The following HYI variants were observed in gnomAD, a reference collection of about 807,000 sequenced individuals.
HYI encodes the protein hydroxypyruvate isomerase (putative).
Under a neutral mutation model 39.7 loss-of-function variants are expected in HYI, and 47 were observed. The observed-to-expected ratio is 1.18, with a 90% CI of 0.94 to 1.51. The LOEUF is 1.51. Among genes scored for constraint, HYI ranks in the 40% most tolerant of loss-of-function variants. The pLI is 0.00. For synonymous variants in HYI, 186 were observed against 158.8 expected (o/e 1.17, Z -1.29); for missense variants, 465 against 370.3 (o/e 1.26, Z -2.10).
Position 43,451,938 on chromosome 1 carries a change from G to GC in HYI, c.501dup (p.Gln168AlafsTer73). 4 of 1,612,478 alleles carry GC rather than the reference G, an allele frequency of 2.5e-6. No homozygotes were observed. Among genetic ancestry groups the GC allele is most frequent in the Non-Finnish European group, 3.4e-6 (4 of 1,178,756 alleles). On this transcript the variant is annotated frameshift_variant, in exon 4 of 8. Transcript: ENST00000372430. LOFTEE classifies it high-confidence loss of function. ...AGAGACAGGGCTGGGGTCGTACCCT[G>GC]CTGGGGCGTGTCCAGGAAGTACTGG...
At chr1:43,453,025 C>T (rs762586219) in intron 2 of HYI, 1 of 1,432,526 alleles carries the variant, frequency 7.0e-7, no homozygotes, top group Non-Finnish European at 9.8e-7. Context: ...GTCCAAGCAT[C>T]ACTACCTGTA....
intron 2 of HYI, chr1:43,452,907 C>T: frequency 6.2e-7 from 1 of 1,601,548 alleles, no homozygotes; most frequent in Non-Finnish European, 8.5e-7. Flanking sequence ...ACATACATGT[C>T]CAGCCTCAGG....
Position 43,453,797 on chromosome 1 carries a change from TG to T in HYI, c.-5del. 3 of 1,260,074 alleles carry T rather than the reference TG, an allele frequency of 2.4e-6. No individual in the cohort carries two copies. Among genetic ancestry groups the T allele is most frequent in the South Asian group, 3.1e-5 (1 of 32,160 alleles). The allele number at this position is 1,260,074 out of a possible 1,614,324, so 78.1% of individuals were successfully genotyped here. A position where few individuals can be genotyped will look rare whatever the true frequency, so the allele number is the denominator to read the frequency against. On this transcript the variant is annotated 5_prime_UTR_variant, in exon 1 of 8. Coordinates refer to ENST00000372430, the MANE Select transcript of HYI (RefSeq NM_001190880.3). ...CGGAGAAGCGCAGCGGCGCCATGCC[TG>T]GGGAGGCCGGGCCGGGCGGAGTCCG...
At chr1:43,453,540 C>G (rs763223325) in intron 1 of HYI, 43 bp from the exon 2 acceptor site, 104 of 1,523,714 alleles carry the variant, frequency 6.8e-5, no homozygotes, top group Non-Finnish European at 8.7e-5. Context: ...GGACACTCCC[C>G]TGCCCGCGCC....
Position 43,452,235 on chromosome 1 carries a change from G to A in HYI, c.396C>T (p.Asn132=), listed in dbSNP as rs1244638795. ...CCAAAACCCCAGCTGCATGCCTCAG[G>A]TTCTCCAGAAAAACGGCCTCCATCT... The part of the protein sequence containing the change: ...KAEMEAVFLE[N]LRHAAGVLAQ... Residue 132 remains asparagine, a synonymous_variant, in exon 3 of 8, where the codon AAC becomes AAT. Transcript: ENST00000372430. The A allele has an allele frequency of 1.9e-6, 3 of 1,613,832 alleles. No homozygotes were observed. Among genetic ancestry groups the A allele is most frequent in the Non-Finnish European group, 2.5e-6 (3 of 1,179,886 alleles).
rs760038174 is a variant in HYI at position 43,451,039 on chromosome 1, G to A, written c.*199C>T. 3.9e-6 allele frequency: 3 copies of A among 778,752 alleles called. No homozygotes were observed. 48.2% of individuals were successfully genotyped at this position (778,752 alleles called of 1,614,324 possible). On this transcript the variant is annotated 3_prime_UTR_variant, in exon 8 of 8. Coordinates refer to ENST00000372430, the MANE Select transcript of HYI (RefSeq NM_001190880.3). ...ATCCTTTAATGAGGTGGGTTCAGAA[G>A]CTCTCCCATCTTCACAGCAACCCTG...
chr1:43,453,861 C>A lies in HYI; in HGVS notation c.-68G>T. ...GCGGCGGGCGGCGGGCGGCGGGCGG[C>A]GGGCGGGGGCGGGGCTCTCCTTGCT... On this transcript the variant is annotated 5_prime_UTR_variant, in exon 1 of 8. Transcript: ENST00000372430. 2 of 757,906 alleles carry A rather than the reference C, an allele frequency of 2.6e-6. No individual in the cohort carries two copies. Among genetic ancestry groups the A allele is most frequent in the Non-Finnish European group, 3.5e-6 (2 of 574,654 alleles). 46.9% of individuals were successfully genotyped at this position (757,906 alleles called of 1,614,324 possible).
At chr1:43,450,872 A>C (rs759058629), downstream of HYI, 3 of 724,030 alleles carry the variant, frequency 4.1e-6, no homozygotes, top group African/African-American at 5.1e-5. The surrounding 1 kb of genome is among the most constrained non-coding windows in gnomAD (Gnocchi z 4.3). Flanking sequence ...GTGTCCCTTG[A>C]GCCTTCGGGT....
chr1:43,451,586 C>T (rs1656429796), intron 6 of HYI, 42 bp from the exon 7 acceptor site: 1 of 1,613,532 alleles, frequency 6.2e-7, no homozygotes, highest in Non-Finnish European at 8.5e-7. Context: ...AGGCTCCTGC[C>T]AGGGCCTGAA....
chr1:43,453,135 C>T, intron 2 of HYI: 3 of 695,310 alleles, frequency 4.3e-6, no homozygotes, highest in South Asian at 1.7e-5. Flanking sequence ...TATATTTACT[C>T]TCCTATCTGC....
In HYI at chr1:43,451,236, C is replaced by T. The variant is rs1346948539; in HGVS notation, c.*2G>A. 6.2e-7 allele frequency: 1 copy of T among 1,613,956 alleles called. No homozygotes were observed. Among genetic ancestry groups the T allele is most frequent in the Admixed American group, 1.7e-5 (1 of 60,020 alleles). ...GGAGGCACGTGGGTGGTGTGCGGGC[C>T]CTCACTGGCCAGCCTCTGGGTGGCC... On this transcript the variant is annotated 3_prime_UTR_variant, in exon 8 of 8. Transcript: ENST00000372430.
Position 43,453,635 on chromosome 1 carries a change from T to C in HYI, c.159A>G (p.Arg53=). ...ETPEALARAA[R]EAGLRLVLIN... is the part of the protein sequence containing the mutation. Reference sequence around the variant, plus strand: ...TCAGTACAAGCCGCAGCCCCGCTTCTCGCGCGGCGCGCGCCAGCGCCTCAG... The same window carrying C: ...TCAGTACAAGCCGCAGCCCCGCTTCCCGCGCGGCGCGCGCCAGCGCCTCAG... The change falls in exon 1 of 8, where the codon CGA becomes CGG. Residue 53 remains arginine, a synonymous_variant. Transcript: ENST00000372430. 6.7e-7 allele frequency: 1 copy of C among 1,492,528 alleles called. No homozygotes were observed. The highest frequency in any genetic ancestry group is 8.9e-7 in the Non-Finnish European group (1 of 1,127,616). The allele number at this position is 1,492,528 out of a possible 1,614,324, so 92.5% of individuals were successfully genotyped here.
downstream of HYI, chr1:43,450,688 C>T: frequency 1.3e-6 from 1 of 769,948 alleles, no homozygotes; most frequent in Non-Finnish European, 2.1e-6. The surrounding 1 kb of genome is among the most constrained non-coding windows in gnomAD (Gnocchi z 4.3). Context: ...CAGCCACTGA[C>T]CCATCCAGGA....
intron 3 of HYI, 60 bp downstream of exon 3, chr1:43,452,144 AC>A: frequency 6.6e-7 from 1 of 1,505,958 alleles, no homozygotes; most frequent in South Asian, 1.2e-5. Flanking sequence ...CCCACTGTGC[AC>A]CCCCTTCTCC....
Position 43,453,815 on chromosome 1 carries a change from C to A in HYI, c.-22G>T, listed in dbSNP as rs182798940. On this transcript the variant is annotated 5_prime_UTR_variant, in exon 1 of 8. Transcript: ENST00000372430. ...CCATGCCTGGGGAGGCCGGGCCGGG[C>A]GGAGTCCGCGGGATCCAAAGGCGGC... The A allele has an allele frequency of 3.2e-6, 4 of 1,232,748 alleles. No individual in the cohort carries two copies. Among genetic ancestry groups the A allele is most frequent in the Non-Finnish European group, 4.0e-6 (4 of 990,154 alleles). The allele number at this position is 1,232,748 out of a possible 1,614,324, so 76.4% of individuals were successfully genotyped here.
chr1:43,453,796 C>G lies in HYI; in HGVS notation c.-3G>C. 7.9e-7 allele frequency: 1 copy of G among 1,265,466 alleles called. No individual in the cohort carries two copies. The allele number at this position is 1,265,466 out of a possible 1,614,324, so 78.4% of individuals were successfully genotyped here. ...GCGGAGAAGCGCAGCGGCGCCATGC[C>G]TGGGGAGGCCGGGCCGGGCGGAGTC... is the stretch of plus-strand genomic sequence containing the variant. On this transcript the variant is annotated 5_prime_UTR_variant, in exon 1 of 8. Transcript: ENST00000372430.
Position 43,451,355 on chromosome 1 carries a change from A to G in HYI, c.761-44T>C. Reference sequence around the variant, plus strand: ...CTCGGCACCTCAGCCCACAAGGAGAAAACAGCCCCTGTCCGGGTCCCTCCA... The same window carrying G: ...CTCGGCACCTCAGCCCACAAGGAGAGAACAGCCCCTGTCCGGGTCCCTCCA... On this transcript the variant is annotated intron_variant, in intron 7 of 7. Coordinates refer to ENST00000372430, the MANE Select transcript of HYI (RefSeq NM_001190880.3). The G allele has an allele frequency of 1.9e-6, 3 of 1,612,642 alleles. No homozygotes were observed. The Admixed American group carries it at 5.0e-5, about 27-fold the overall frequency.
In HYI at chr1:43,452,246, A is replaced by G; in HGVS notation, c.385T>C (p.Phe129Leu). 6.2e-7 allele frequency: 1 copy of G among 1,614,052 alleles called. No individual in the cohort carries two copies. The highest frequency in any genetic ancestry group is 8.5e-7 in the Non-Finnish European group (1 of 1,179,970). ...GCTGCATGCCTCAGGTTCTCCAGAA[A>G]AACGGCCTCCATCTCAGCCTTGACT... ...IAVKAEMEAVFLENLRHAAGV... is the reference protein window; with the variant it reads ...IAVKAEMEAVLLENLRHAAGV... Residue 129 changes from phenylalanine to leucine, a missense_variant, in exon 3 of 8, where the codon TTT becomes CTT. Phe to Leu is a conservative substitution (Grantham distance 22, BLOSUM62 0). Coordinates refer to ENST00000372430, the MANE Select transcript of HYI (RefSeq NM_001190880.3).
intron 2 of HYI, chr1:43,453,000 C>G (rs772802176): frequency 7.0e-6 from 11 of 1,564,902 alleles, no homozygotes; most frequent in African/African-American, 1.4e-5. Context: ...AAGCAATGCC[C>G]ACTCCTTGAA....
Sources: gnomAD v4.1 joint callset for allele counts on GRCh38, gnomAD v4.1.1 for gene constraint, Gnocchi (gnomAD v3.1) non-coding constraint, MANE v1.5 for transcripts, NCBI Gene and HGNC (gene_info 2026-07-23, HGNC 2026-07-21) for gene names.